Variants in DNAJC24 observed in about 807,000 individuals in gnomAD.
DNAJC24 encodes dnaJ homolog subfamily C member 24.
In DNAJC24, 17 loss-of-function variants were observed where a neutral mutation model predicts 18.0. The observed-to-expected ratio is 0.94, with a 90% CI of 0.65 to 1.42. The LOEUF is 1.42. DNAJC24 is among the 40% of genes most tolerant of loss of function. DNAJC24 has a pLI of 0.00. For missense variants in DNAJC24, 158 were observed against 175.6 expected, an observed-to-expected ratio of 0.90 and a Z score of 0.57; for synonymous variants, 55 against 57.7, an observed-to-expected ratio of 0.95 and a Z score of 0.21.
At chr11:31,395,310 T>G (rs112005922) in intron 2 of DNAJC24, among the ~76,000 whole-genome samples, 3 of 152,188 alleles carry the variant, frequency 2.0e-5, no homozygotes, top group Admixed American at 6.5e-5. Flanking sequence ...TTAGGTTGAT[T>G]CCTTGTCTTT....
intron 2 of DNAJC24, among the ~76,000 whole-genome samples, chr11:31,412,697 T>C (rs1952720263): frequency 5.3e-5 from 8 of 152,196 alleles, no homozygotes; most frequent in Admixed American, 5.2e-4. Flanking sequence ...TTAGTTTAAA[T>C]ATCTAAATGT....
chr11:31,389,366 T>G, intron 2 of DNAJC24, among the ~76,000 whole-genome samples: 1 of 152,088 alleles, frequency 6.6e-6, no homozygotes, highest in East Asian at 1.9e-4. Flanking sequence ...GAGCTATACT[T>G]ATATCAAACA....
chr11:31,418,267 TTAGG>T (rs1029267228), intron 3 of DNAJC24, among the ~76,000 whole-genome samples: 3 of 152,238 alleles, frequency 2.0e-5, no homozygotes, highest in Non-Finnish European at 4.4e-5. Context: ...GACCTACTGT[TTAGG>T]TAGCACTTTG....
At chr11:31,426,196 G>T in intron 3 of DNAJC24, 91 bp from the exon 4 acceptor site, 2 of 772,858 alleles carry the variant, frequency 2.6e-6, no homozygotes, top group South Asian at 1.7e-5. Context: ...GAATTGTAGT[G>T]GCCAGGCTGG....
chr11:31,408,145 T>C (rs1435820891), intron 2 of DNAJC24: 3 of 456,224 alleles, frequency 6.6e-6, no homozygotes, highest in Non-Finnish European at 1.3e-5. Flanking sequence ...TTGGTGTACA[T>C]ACTTGGAAGG....
At chr11:31,405,066 CT>C (rs398015694) in intron 2 of DNAJC24, among the ~76,000 whole-genome samples, 2,038 of 132,048 alleles carry the variant, frequency 0.015, 35 homozygotes, top group Middle Eastern at 0.065. Flanking sequence ...ATTAGGAATT[CT>C]TTTTTTTGTT....
chr11:31,377,867 C>T (rs1347458937), intron 2 of DNAJC24, among the ~76,000 whole-genome samples: 2 of 151,900 alleles, frequency 1.3e-5, no homozygotes, highest in African/African-American at 4.8e-5. Context: ...GAAGAAAATC[C>T]ATGTAATTTG....
At position 31,425,416 on chromosome 11, in the gene DNAJC24, A is replaced by T. The variant is rs186396677; in HGVS notation, c.251-871A>T. On this transcript the variant is annotated intron_variant, in intron 3 of 4. Coordinates refer to ENST00000465995, the MANE Select transcript of DNAJC24 (RefSeq NM_181706.5). ...TCTATTAGTCTGCCTCAGCTGCCATAACAAAATACCATAGACTAGGTGGCA... is the reference window on the plus strand; with the variant it reads ...TCTATTAGTCTGCCTCAGCTGCCATTACAAAATACCATAGACTAGGTGGCA... Among the ~76,000 whole-genome samples the T allele has an allele frequency of 3.3e-5, 5 of 152,280 alleles. No homozygotes were observed. The East Asian group carries it at 9.6e-4, about 29-fold the overall frequency.
At chr11:31,388,248 A>G (rs776139206) in intron 2 of DNAJC24, among the ~76,000 whole-genome samples, 18 of 152,188 alleles carry the variant, frequency 1.2e-4, no homozygotes, top group Non-Finnish European at 1.9e-4. Context: ...AGATATCAAT[A>G]TTCAAGTACA....
chr11:31,376,261 T>G (rs1591897976), intron 2 of DNAJC24, among the ~76,000 whole-genome samples: 2 of 152,330 alleles, frequency 1.3e-5, no homozygotes, highest in Non-Finnish European at 2.9e-5. Flanking sequence ...CTGTTTTTCT[T>G]TATAAATTGC....
intron 2 of DNAJC24, among the ~76,000 whole-genome samples, chr11:31,376,126 A>G (rs1952312311): frequency 6.6e-6 from 1 of 152,172 alleles, no homozygotes; most frequent in Non-Finnish European, 1.5e-5. Flanking sequence ...TGATGATTTT[A>G]TAAGGGGTTT....
intron 3 of DNAJC24, among the ~76,000 whole-genome samples, chr11:31,424,965 T>G (rs1016880426): frequency 5.3e-5 from 8 of 152,062 alleles, no homozygotes; most frequent in Non-Finnish European, 8.8e-5. Context: ...GTAGAGTTTT[T>G]TTTTGTTTTT....
chr11:31,396,362 G>T, intron 2 of DNAJC24: 1 of 446,536 alleles, frequency 2.2e-6, no homozygotes, highest in Non-Finnish European at 4.5e-6. Flanking sequence ...GGAAATCAAG[G>T]ATTCTTCATC....
At chr11:31,401,120 G>GA (rs1952596776) in intron 2 of DNAJC24, among the ~76,000 whole-genome samples, 2 of 152,182 alleles carry the variant, frequency 1.3e-5, no homozygotes, top group South Asian at 2.1e-4. Flanking sequence ...CAAGAAACAT[G>GA]AAAAAAAGCT....
intron 3 of DNAJC24, among the ~76,000 whole-genome samples, chr11:31,419,718 G>T (rs1952785642): frequency 1.3e-5 from 2 of 151,898 alleles, no homozygotes; most frequent in African/African-American, 4.8e-5. Context: ...AAATCAGTGG[G>T]TCCAAAATCA....
At chr11:31,397,679 C>T in intron 2 of DNAJC24, among the ~76,000 whole-genome samples, 1 of 152,154 alleles carries the variant, frequency 6.6e-6, no homozygotes, top group East Asian at 1.9e-4. Flanking sequence ...AAACTATATT[C>T]AGATTCATTA....
intron 2 of DNAJC24, among the ~76,000 whole-genome samples, chr11:31,380,319 C>T (rs1029530352): frequency 2.0e-5 from 3 of 152,086 alleles, no homozygotes; most frequent in South Asian, 2.1e-4. Flanking sequence ...TATTCAAAAT[C>T]GAGTAACATG....
At chr11:31,398,051 T>C (rs918056597) in intron 2 of DNAJC24, among the ~76,000 whole-genome samples, 64 of 152,312 alleles carry the variant, frequency 4.2e-4, no homozygotes, top group Middle Eastern at 3.4e-3. Context: ...TCCTCCTGCC[T>C]CGGCCTCCCA....
At chr11:31,373,506 T>C (rs1952285724) in intron 2 of DNAJC24, among the ~76,000 whole-genome samples, 1 of 135,650 alleles carries the variant, frequency 7.4e-6, no homozygotes, top group South Asian at 2.4e-4. Context: ...TGTAGATTTA[T>C]AATCAGTCTC....
Sources: gnomAD v4.1 joint callset for allele counts (sites outside exome capture counted in the v4.1 genomes callset) on GRCh38, gnomAD v4.1.1 for gene constraint, MANE v1.5 for transcripts, NCBI Gene and HGNC (gene_info 2026-07-23, HGNC 2026-07-21) for gene names.